The following PAWR variants were observed in gnomAD, a reference collection of about 807,000 sequenced individuals.
PAWR encodes the protein pro-apoptotic WT1 regulator, also known as PRKC apoptosis WT1 regulator protein.
Under a neutral mutation model 32.0 loss-of-function variants are expected in PAWR, and 23 were observed. That is an observed-to-expected ratio of 0.72 (90% CI 0.52 to 1.02). The LOEUF (loss-of-function observed/expected upper bound fraction) is 1.02. Among genes scored for constraint, PAWR ranks in the 50% least tolerant of loss-of-function variants. PAWR has a pLI of 0.00. For missense variants in PAWR, 457 were observed against 437.7 expected (o/e 1.04, Z -0.39); for synonymous variants, 226 against 187.1 (o/e 1.21, Z -1.70).
intron 2 of PAWR, among the ~76,000 whole-genome samples, chr12:79,629,879 TA>T: frequency 6.6e-6 from 1 of 152,070 alleles, no homozygotes; most frequent in African/African-American, 2.4e-5. Flanking sequence ...AATTCACAAA[TA>T]ATCACGTGAA....
chr12:79,635,965 G>C (rs1188134135), intron 2 of PAWR, among the ~76,000 whole-genome samples: 1 of 152,102 alleles, frequency 6.6e-6, no homozygotes, highest in Admixed American at 6.5e-5. Flanking sequence ...CAAAGACATT[G>C]TGGCTAAACA....
intron 2 of PAWR, among the ~76,000 whole-genome samples, chr12:79,676,655 T>C (rs1039143384): frequency 6.6e-6 from 1 of 152,208 alleles, no homozygotes; most frequent in African/African-American, 2.4e-5. Context: ...AGTTCTCCTG[T>C]AGCCGGATAC....
At chr12:79,637,548 A>C (rs1402364147) in intron 2 of PAWR, among the ~76,000 whole-genome samples, 1 of 151,976 alleles carries the variant, frequency 6.6e-6, no homozygotes, top group Non-Finnish European at 1.5e-5. Flanking sequence ...CATTAAAAAA[A>C]AAAAAAAAAG....
chr12:79,661,264 A>C (rs1164179307), intron 2 of PAWR, among the ~76,000 whole-genome samples: 1 of 151,850 alleles, frequency 6.6e-6, no homozygotes, highest in Non-Finnish European at 1.5e-5. Context: ...AAAAAAAAAA[A>C]AAAAGAACTT....
intron 4 of PAWR, among the ~76,000 whole-genome samples, chr12:79,600,553 G>A (rs913640228): frequency 6.6e-6 from 1 of 151,450 alleles, no homozygotes; most frequent in Admixed American, 6.6e-5. Context: ...GCTCACTGCA[G>A]CCTTGAAACC....
intron 6 of PAWR, among the ~76,000 whole-genome samples, chr12:79,592,934 C>T (rs1021905651): frequency 4.6e-5 from 7 of 151,998 alleles, no homozygotes; most frequent in Middle Eastern, 3.4e-3. Context: ...CAAAGGAAGC[C>T]GAAAGTCAGA....
chr12:79,585,082 T>C lies in PAWR; in HGVS notation c.*7525A>G, dbSNP rs1873350673. 2.4e-6 allele frequency: 1 copy of C among 424,740 alleles called. No homozygotes were observed. 26.3% of individuals were successfully genotyped at this position (424,740 alleles called of 1,614,324 possible). On this transcript the variant is annotated 3_prime_UTR_variant, in exon 7 of 7. Transcript: ENST00000328827. ...TAAATTAATGGGGGTTATGTCAGGA[T>C]GCCAATGTCCATGCTGAGGCTTCTC...
intron 2 of PAWR, among the ~76,000 whole-genome samples, chr12:79,639,881 T>TTTCCATTCCATTCC (rs1876215099): frequency 8.9e-6 from 1 of 112,502 alleles, no homozygotes; most frequent in African/African-American, 5.1e-5. Flanking sequence ...TTCCTATTCC[T>TTTCCATTCCATTCC]ATTCCATTCC....
Position 79,596,637 on chromosome 12 carries a change from T to A in PAWR, c.705A>T (p.Glu235Asp), listed in dbSNP as rs764782547. ...TTCGAGAATATCTACTTGAGACATC[T>A]TCTTCAGAGACACTGGTTGTGCTGT... ...RYKSTTSVSE[E>D]DVSSRYSRTD... Residue 235 changes from glutamate (E) to aspartate (D), a missense_variant, in exon 5 of 7, where the codon GAA (glutamate) becomes GAT (aspartate). Physicochemically the swap from Glu to Asp is conservative, Grantham distance 45 (BLOSUM62 2). Transcript: ENST00000328827. The A allele has an allele frequency of 1.3e-6, 2 of 1,596,986 alleles. No individual in the cohort carries two copies. The highest frequency in any genetic ancestry group is 1.7e-6 in the Non-Finnish European group (2 of 1,171,514).
At chr12:79,629,449 T>C (rs569939544) in intron 2 of PAWR, among the ~76,000 whole-genome samples, 1 of 152,172 alleles carries the variant, frequency 6.6e-6, no homozygotes, top group African/African-American at 2.4e-5. Flanking sequence ...TTTTTAAAAA[T>C]GTAGTCACCA....
In PAWR at chr12:79,662,746, C is replaced by T. The variant is rs529967557; in HGVS notation, c.516+26983G>A. ...ATTTACACAAAGGCTTGAACAAAAT[C>T]ACATAAAGCCTATCTACTTTTTCTT... On this transcript the variant is annotated intron_variant, in intron 2 of 6. Transcript: ENST00000328827. Among the ~76,000 whole-genome samples the T allele has an allele frequency of 1.8e-3, 272 of 152,276 alleles. 1 individual carries two copies. The highest frequency in any genetic ancestry group is 3.4e-3 in the Middle Eastern group (1 of 294).
At position 79,690,289 on chromosome 12, in the gene PAWR, A is replaced by C. The variant is rs1468308611; in HGVS notation, c.-45T>G. On this transcript the variant is annotated 5_prime_UTR_variant, in exon 2 of 7. Coordinates refer to ENST00000328827, the MANE Select transcript of PAWR (RefSeq NM_002583.4). ...GGGCTCTCACCTCAGGCCGCCCACCAGGGCTCCGGCCGCTGCCTCCTCTTC... is the reference window on the plus strand; with the variant it reads ...GGGCTCTCACCTCAGGCCGCCCACCCGGGCTCCGGCCGCTGCCTCCTCTTC... 8.5e-6 allele frequency: 12 copies of C among 1,409,464 alleles called. No homozygotes were observed. The highest frequency in any genetic ancestry group is 1.0e-5 in the Non-Finnish European group (11 of 1,082,552). The allele number at this position is 1,409,464 out of a possible 1,614,324, so 87.3% of individuals were successfully genotyped here. A position where few individuals can be genotyped will look rare whatever the true frequency, so the allele number is the denominator to read the frequency against.
chr12:79,595,046 C>CTA (rs1873698830), intron 5 of PAWR, among the ~76,000 whole-genome samples: 1 of 152,020 alleles, frequency 6.6e-6, no homozygotes, highest in African/African-American at 2.4e-5. Context: ...CTTATCACCA[C>CTA]TATAAGTTAT....
At chr12:79,688,698 A>G (rs1413512828) in intron 2 of PAWR, among the ~76,000 whole-genome samples, 3 of 152,210 alleles carry the variant, frequency 2.0e-5, no homozygotes, top group Admixed American at 6.5e-5. Flanking sequence ...TATTTAATAT[A>G]CACCCTAACT....
rs1329379550 is a variant in PAWR, at chr12:79,588,287, A to G, written c.*4320T>C. The G allele has an allele frequency of 2.6e-5, 4 of 152,042 alleles. No individual in the cohort carries two copies. Among genetic ancestry groups the G allele is most frequent in the Admixed American group, 1.3e-4 (2 of 15,270 alleles). 9.4% of individuals were successfully genotyped at this position (152,042 alleles called of 1,614,324 possible). ...ATATCTAAAAACAAACCAGTAATCA[A>G]TAATATATACAGAAATACTAACTTG... On this transcript the variant is annotated 3_prime_UTR_variant, in exon 7 of 7. Coordinates refer to ENST00000328827, the MANE Select transcript of PAWR (RefSeq NM_002583.4).
Position 79,613,612 on chromosome 12 carries a change from G to T in PAWR, c.649-3C>A. ...CCTGAAACTGTTCTAGGTGGCTCCT[G>T]CAAAGTAAAAATAATTATGTATCAG... On this transcript the variant is annotated splice_polypyrimidine_tract_variant and splice_region_variant and intron_variant, in intron 3 of 6. Coordinates refer to ENST00000328827, the MANE Select transcript of PAWR (RefSeq NM_002583.4). 6.6e-7 allele frequency: 1 copy of T among 1,518,864 alleles called. No homozygotes were observed. The highest frequency in any genetic ancestry group is 9.1e-7 in the Non-Finnish European group (1 of 1,101,586). 94.1% of individuals were successfully genotyped at this position (1,518,864 alleles called of 1,614,324 possible).
rs1222851342 is a variant in PAWR, at chr12:79,588,464, A to G, written c.*4143T>C. ...TTTCCCAGTATGCATCAGTTTTTTC[A>G]CTCCACCATTCAGTAAATGTTGTAG... On this transcript the variant is annotated 3_prime_UTR_variant, in exon 7 of 7. Coordinates refer to ENST00000328827, the MANE Select transcript of PAWR (RefSeq NM_002583.4). 1 of 151,908 alleles carries G rather than the reference A, an allele frequency of 6.6e-6. No individual in the cohort carries two copies. The highest frequency in any genetic ancestry group is 2.4e-5 in the African/African-American group (1 of 41,414). The allele number at this position is 151,908 out of a possible 1,614,324, so 9.4% of individuals were successfully genotyped here. A position where few individuals can be genotyped will look rare whatever the true frequency, so the allele number is the denominator to read the frequency against.
intron 2 of PAWR, among the ~76,000 whole-genome samples, chr12:79,648,553 CG>C (rs1034165343): frequency 1.4e-5 from 2 of 144,362 alleles, no homozygotes; most frequent in Non-Finnish European, 3.0e-5. Flanking sequence ...GAGACCAAGG[CG>C]GGGGGATCGC....
chr12:79,651,551 G>A (rs914775339), intron 2 of PAWR, among the ~76,000 whole-genome samples: 1 of 152,044 alleles, frequency 6.6e-6, no homozygotes, highest in African/African-American at 2.4e-5. Flanking sequence ...CCCCTATCTA[G>A]TCTGGGCCAC....
Sources: allele counts gnomAD v4.1 joint callset (sites outside exome capture counted in the v4.1 genomes callset), GRCh38; gene constraint gnomAD v4.1.1; transcripts MANE v1.5; gene names NCBI Gene and HGNC (gene_info 2026-07-23, HGNC 2026-07-21).